The following RBFOX1 variants were observed in gnomAD, a reference collection of about 807,000 sequenced individuals.
The protein encoded by RBFOX1 is RNA binding protein fox-1 homolog 1.
Under a neutral mutation model 57.7 loss-of-function variants are expected in RBFOX1, and 8 were observed. The ratio of observed to expected loss-of-function variants is 0.14; its 90% CI spans 0.08 to 0.25. The LOEUF is 0.25. Ranked by LOEUF, RBFOX1 falls within the 10% of genes least tolerant of loss-of-function variation. The probability of loss-of-function intolerance (pLI) is 1.00; values close to 1 mark genes in which losing one functional copy is unlikely to be tolerated. For synonymous variants in RBFOX1, 326 were observed against 222.4 expected (o/e 1.47, Z -4.15); for missense variants, 611 against 548.5 (o/e 1.11, Z -1.14).
chr16:7,248,793 A>G (rs374903237), intron 4 of RBFOX1, among the ~76,000 whole-genome samples: 2 of 152,230 alleles, frequency 1.3e-5, no homozygotes, highest in African/African-American at 4.8e-5. Flanking sequence ...ATATCAGGGA[A>G]AATGCTATTT....
intron 1 of RBFOX1, among the ~76,000 whole-genome samples, chr16:6,215,561 T>TA (rs1214542612): frequency 1.3e-5 from 2 of 152,140 alleles, no homozygotes; most frequent in Non-Finnish European, 2.9e-5. Flanking sequence ...CCCTTGGGAC[T>TA]AGCAGTTGTA....
At chr16:7,546,328 A>AAAAATAAAAT (rs59260994) in intron 5 of RBFOX1, among the ~76,000 whole-genome samples, 2,071 of 148,608 alleles carry the variant, frequency 0.014, 42 homozygotes, top group African/African-American at 0.049. Context: ...CTCCACCTCA[A>AAAAATAAAAT]AAAATAAAAT....
intron 1 of RBFOX1, among the ~76,000 whole-genome samples, chr16:5,406,813 G>A (rs976824510): frequency 3.9e-5 from 6 of 152,142 alleles, no homozygotes; most frequent in African/African-American, 1.4e-4. Flanking sequence ...TCAGTAGAGG[G>A]GAGACAGACG....
At chr16:6,598,671 G>A (rs1178759258) in intron 2 of RBFOX1, among the ~76,000 whole-genome samples, 4 of 152,168 alleles carry the variant, frequency 2.6e-5, no homozygotes, top group Non-Finnish European at 5.9e-5. Flanking sequence ...TGGCTGGCTG[G>A]GCGTGGTGGC....
intron 3 of RBFOX1, among the ~76,000 whole-genome samples, chr16:5,747,529 T>A (rs2053034240): frequency 6.6e-6 from 1 of 152,148 alleles, no homozygotes; most frequent in African/African-American, 2.4e-5. Context: ...TTTTTTTGGT[T>A]GGTAGGCTAT....
intron 3 of RBFOX1, among the ~76,000 whole-genome samples, chr16:6,957,198 C>T (rs59635457): frequency 1.1e-3 from 168 of 149,578 alleles, no homozygotes; most frequent in Middle Eastern, 6.9e-3. Context: ...GTGGTGTGAT[C>T]TCGGCTCACT....
chr16:6,958,925 A>G (rs1300997093), intron 3 of RBFOX1, among the ~76,000 whole-genome samples: 1 of 152,168 alleles, frequency 6.6e-6, no homozygotes, highest in East Asian at 1.9e-4. Context: ...CGTATTCTCC[A>G]TCCTGACATA....
At chr16:5,807,912 C>A (rs1401878954) in intron 3 of RBFOX1, among the ~76,000 whole-genome samples, 1 of 152,146 alleles carries the variant, frequency 6.6e-6, no homozygotes, top group Non-Finnish European at 1.5e-5. Flanking sequence ...ACCACATCCA[C>A]CCCAGACAGA....
intron 3 of RBFOX1, among the ~76,000 whole-genome samples, chr16:6,881,107 C>T (rs763348038): frequency 3.9e-5 from 6 of 152,162 alleles, no homozygotes; most frequent in Non-Finnish European, 8.8e-5. Context: ...GCTGGTCTTA[C>T]CATGCTTCTC....
rs1312206714 is a variant in RBFOX1 at position 6,038,531 on chromosome 16, G to GATATATATATATATATATATCATCC, written c.-127+18552_-127+18576dup. On this transcript the variant is annotated intron_variant, in intron 1 of 15. Transcript: ENST00000550418. ...CAATATCCATATATATATCCGTGGA[G>GATATATATATATATATATATCATCC]ATATATATATATATATATATCATCC... The GATATATATATATATATATATCATCC allele has an allele frequency of 1.7e-3, 230 of 133,940 alleles. 1 individual carries two copies. The highest frequency in any genetic ancestry group is 6.2e-3 in the African/African-American group (222 of 35,766). 8.3% of individuals were successfully genotyped at this position (133,940 alleles called of 1,614,324 possible).
chr16:7,339,577 C>T (rs764851349), intron 4 of RBFOX1, among the ~76,000 whole-genome samples: 42 of 152,222 alleles, frequency 2.8e-4, no homozygotes, highest in Admixed American at 7.9e-4. Context: ...GTATCTGGGA[C>T]CGTGGGCATG....
In RBFOX1 at chr16:5,655,999, A is replaced by C. The variant is rs148778033; in HGVS notation, c.318+57038A>C. On this transcript the variant is annotated intron_variant, in intron 3 of 19. Coordinates refer to the RBFOX1 transcript ENST00000641259. ...GTTCACCACAATGTCAGCCACTTTC[A>C]CAGTGTTGGACTTGTAGTACGTGCT... Among the ~76,000 whole-genome samples, 1,109 of 152,342 alleles carry C rather than the reference A, an allele frequency of 7.3e-3. 11 individuals carry two copies. The highest frequency in any genetic ancestry group is 0.025 in the African/African-American group (1,044 of 41,574).
chr16:6,574,796 A>T lies in RBFOX1; in HGVS notation c.-63-79807A>T, dbSNP rs1467017851. On this transcript the variant is annotated intron_variant, in intron 2 of 15. Transcript: ENST00000550418. The stretch of plus-strand genomic sequence containing the variant: ...GCTCACGCCTGTAATCCCAGCACTT[A>T]GGGAGGCCAAAGTGGGCGGATCACG... Among the ~76,000 whole-genome samples, 6 of 147,318 alleles carry T rather than the reference A, an allele frequency of 4.1e-5. No individual in the cohort carries two copies. The South Asian group carries it at 9.0e-4, about 22-fold the overall frequency.
intron 3 of RBFOX1, among the ~76,000 whole-genome samples, chr16:6,832,194 T>G (rs1224018440): frequency 2.0e-5 from 3 of 152,186 alleles, no homozygotes; most frequent in Non-Finnish European, 2.9e-5. Flanking sequence ...ACTGTATTTG[T>G]ATGTGAGGAG....
chr16:6,213,810 C>G (rs2097313998), intron 1 of RBFOX1, among the ~76,000 whole-genome samples: 1 of 152,176 alleles, frequency 6.6e-6, no homozygotes. Context: ...AGCCAGGGTT[C>G]TCAACCTCAT....
intron 2 of RBFOX1, among the ~76,000 whole-genome samples, chr16:6,371,529 C>T (rs2090430972): frequency 6.6e-6 from 1 of 151,926 alleles, no homozygotes; most frequent in Non-Finnish European, 1.5e-5. Flanking sequence ...TTGACATAAA[C>T]CCGTAAGTTT....
rs145635958 is a variant in RBFOX1, at chr16:6,099,553, A to G, written c.-127+79561A>G. The stretch of plus-strand genomic sequence containing the variant: ...GATGGGGAAGTGAGAGCAATTGCCT[A>G]ATGGTTGTGGGGTTTTCTTTTGGTG... On this transcript the variant is annotated intron_variant, in intron 1 of 15. Transcript: ENST00000550418. Among the ~76,000 whole-genome samples the G allele has an allele frequency of 4.6e-3, 693 of 152,290 alleles. 7 individuals are homozygous for G. The highest frequency in any genetic ancestry group is 0.02 in the Admixed American group (304 of 15,290).
chr16:7,003,474 A>G (rs1458601223), intron 3 of RBFOX1, among the ~76,000 whole-genome samples: 2 of 151,166 alleles, frequency 1.3e-5, no homozygotes, highest in East Asian at 3.9e-4. Flanking sequence ...AAAAAAAAGA[A>G]AAAATTATAA....
At position 6,199,591 on chromosome 16, in the gene RBFOX1, A is replaced by G. The variant is rs533738631; in HGVS notation, c.-126-117404A>G. On this transcript the variant is annotated intron_variant, in intron 1 of 15. Transcript: ENST00000550418. Reference sequence around the variant, plus strand: ...GGACCAAAGGTCTTTAATCTGTTTAATAATATATTGGTTTTGTATTAACTA... The same window carrying G: ...GGACCAAAGGTCTTTAATCTGTTTAGTAATATATTGGTTTTGTATTAACTA... Among the ~76,000 whole-genome samples, 213 of 152,216 alleles carry G rather than the reference A, an allele frequency of 1.4e-3. 2 individuals are homozygous for G. Among genetic ancestry groups the G allele is most frequent in the Admixed American group, 2.9e-3 (45 of 15,270 alleles).
Sources: gnomAD v4.1 joint callset for allele counts (sites outside exome capture counted in the v4.1 genomes callset) on GRCh38, gnomAD v4.1.1 for gene constraint, MANE v1.5 for transcripts, NCBI Gene and HGNC (gene_info 2026-07-23, HGNC 2026-07-21) for gene names.